CFHR2: variants seen among roughly 807,000 people sequenced by gnomAD.
The protein encoded by CFHR2 is complement factor H-related protein 2.
In CFHR2, 22 loss-of-function variants were observed where a neutral mutation model predicts 21.7. The observed-to-expected ratio is 1.01, with a 90% CI of 0.72 to 1.45. CFHR2 has a LOEUF of 1.45. Among genes scored for constraint, CFHR2 ranks in the 40% most tolerant of loss-of-function variants. CFHR2 has a pLI of 0.00. For missense variants in CFHR2, 294 were observed against 293.3 expected (o/e 1.00, Z -0.02); for synonymous variants, 98 against 97.4 (o/e 1.01, Z -0.04).
chr1:196,956,863 T>G (rs1166790534), intron 3 of CFHR2, among the ~76,000 whole-genome samples: 1 of 151,350 alleles, frequency 6.6e-6, no homozygotes, highest in Admixed American at 6.6e-5. Flanking sequence ...AGTACTCGAT[T>G]GCAAAAATCT....
At chr1:196,957,660 G>C (rs1284570238) in intron 3 of CFHR2, among the ~76,000 whole-genome samples, 1 of 152,028 alleles carries the variant, frequency 6.6e-6, no homozygotes, top group Non-Finnish European at 1.5e-5. Context: ...TCTTAATCCT[G>C]GAATACTACA....
chr1:196,949,759 T>G, intron 2 of CFHR2, 110 bp downstream of exon 2: 1 of 1,366,396 alleles, frequency 7.3e-7, no homozygotes, highest in Non-Finnish European at 1.0e-6. Flanking sequence ...CCAGAGGAGC[T>G]GGAAAGATGG....
chr1:196,946,586 A>G (rs917528360), intron 1 of CFHR2, among the ~76,000 whole-genome samples: 7 of 152,212 alleles, frequency 4.6e-5, no homozygotes, highest in Non-Finnish European at 1.0e-4. Flanking sequence ...AAAAACAGAC[A>G]CAAACACACA....
chr1:196,958,129 A>AT, intron 4 of CFHR2, 56 bp downstream of exon 4: 1 of 1,517,188 alleles, frequency 6.6e-7, no homozygotes, highest in Non-Finnish European at 9.1e-7. Context: ...TGAGTCTGAT[A>AT]TTTCACTGTT....
At chr1:196,944,945 C>T (rs959906854) in intron 1 of CFHR2, among the ~76,000 whole-genome samples, 13 of 149,176 alleles carry the variant, frequency 8.7e-5, no homozygotes, top group African/African-American at 2.2e-4. Flanking sequence ...GGTGTGATTT[C>T]GGCTCACCAC....
At position 196,959,086 on chromosome 1, in the gene CFHR2, A is replaced by T. The variant is rs1280110643; in HGVS notation, c.*6A>T. 1 of 1,572,378 alleles carries T rather than the reference A, an allele frequency of 6.4e-7. No individual in the cohort carries two copies. Among genetic ancestry groups the T allele is most frequent in the Non-Finnish European group, 8.7e-7 (1 of 1,149,808 alleles). On this transcript the variant is annotated 3_prime_UTR_variant, in exon 5 of 5. Transcript: ENST00000367415. Reference sequence around the variant, plus strand: ...CCAGTTGTGAAGAAAAATAGAATCAATGGCATTACTATTAGTAAAATGCAC... The same window carrying T: ...CCAGTTGTGAAGAAAAATAGAATCATTGGCATTACTATTAGTAAAATGCAC...
At position 196,958,863 on chromosome 1, in the gene CFHR2, A is replaced by AT. The variant is rs750600499; in HGVS notation, c.614-11dup. ...GCATACTACTTAATGTTTTATGTTC[A>AT]TTTTTTTCTACTTTCAGATCCATGT... On this transcript the variant is annotated splice_polypyrimidine_tract_variant and intron_variant, in intron 4 of 4. Transcript: ENST00000367415. 7.9e-5 allele frequency: 119 copies of AT among 1,498,800 alleles called. No individual in the cohort carries two copies. The highest frequency in any genetic ancestry group is 1.0e-4 in the Non-Finnish European group (111 of 1,082,346). The allele number at this position is 1,498,800 out of a possible 1,614,324, so 92.8% of individuals were successfully genotyped here.
At chr1:196,949,015 A>G (rs116224050) in intron 1 of CFHR2, among the ~76,000 whole-genome samples, 1,905 of 152,244 alleles carry the variant, frequency 0.013, 20 homozygotes, top group Non-Finnish European at 0.021. Context: ...CAGAAAAAAA[A>G]TAGGACAGAG....
intron 1 of CFHR2, among the ~76,000 whole-genome samples, chr1:196,949,227 A>C (rs1659631223): frequency 1.3e-5 from 2 of 152,032 alleles, no homozygotes; most frequent in Non-Finnish European, 2.9e-5. Flanking sequence ...ATTTCATATC[A>C]CTCCAAAATA....
intron 1 of CFHR2, among the ~76,000 whole-genome samples, chr1:196,947,771 T>C (rs1659564351): frequency 6.6e-6 from 1 of 152,136 alleles, no homozygotes. Flanking sequence ...TGAGGAACTA[T>C]CTTGAGCTAA....
chr1:196,946,918 T>G (rs540352522), intron 1 of CFHR2, among the ~76,000 whole-genome samples: 6 of 152,218 alleles, frequency 3.9e-5, no homozygotes, highest in Non-Finnish European at 5.9e-5. Flanking sequence ...GTGTGGCATA[T>G]TTTTATGTGA....
Position 196,949,975 on chromosome 1 carries a change from A to AT in CFHR2, c.253+330dup, listed in dbSNP as rs571815927. 6.6e-3 allele frequency among the ~76,000 whole-genome samples: 1,010 copies of AT among 152,308 alleles called. 13 individuals are homozygous for AT. The highest frequency in any genetic ancestry group is 0.023 in the African/African-American group (969 of 41,570). On this transcript the variant is annotated intron_variant, in intron 2 of 4. Transcript: ENST00000367415. ...GATCATAGTTTTCCTTTTAAATGTC[A>AT]TTTTATACATATTCTGTTTTGAATT...
In CFHR2 at chr1:196,948,701, G is replaced by GT. The variant is rs572125642; in HGVS notation, c.59-747dup. 2.0e-3 allele frequency among the ~76,000 whole-genome samples: 301 copies of GT among 151,768 alleles called. 3 individuals are homozygous for GT. The highest frequency in any genetic ancestry group is 2.5e-3 in the African/African-American group (102 of 41,418). On this transcript the variant is annotated intron_variant, in intron 1 of 4. Transcript: ENST00000367415. ...TTTATTGTTTTATTGTCTTTTTATT[G>GT]TTTTTTTCCGAATATTTTTGATCTG...
Position 196,951,142 on chromosome 1 carries a change from C to A in CFHR2, c.430+114C>A, listed in dbSNP as rs933639285. The A allele has an allele frequency of 2.7e-5, 33 of 1,239,786 alleles. No homozygotes were observed. In the African/African-American group the frequency reaches 3.8e-4, roughly 14 times the overall value. The allele number at this position is 1,239,786 out of a possible 1,614,324, so 76.8% of individuals were successfully genotyped here. A position where few individuals can be genotyped will look rare whatever the true frequency, so the allele number is the denominator to read the frequency against. ...TATAGGTTTTGCCACATACTTCTAT[C>A]ATTATTCATTTGATTCTCAGTTCCA... On this transcript the variant is annotated intron_variant, in intron 3 of 4. Coordinates refer to ENST00000367415, the MANE Select transcript of CFHR2 (RefSeq NM_005666.4).
Position 196,946,197 on chromosome 1 carries a change from C to T in CFHR2, c.58+2259C>T, listed in dbSNP as rs550039244. ...GTGAATGTGATGGCTTAGAACATCA[C>T]CATACACGACTAGAGGTGGTATAAA... On this transcript the variant is annotated intron_variant, in intron 1 of 4. Coordinates refer to ENST00000367415, the MANE Select transcript of CFHR2 (RefSeq NM_005666.4). Among the ~76,000 whole-genome samples, 4 of 152,304 alleles carry T rather than the reference C, an allele frequency of 2.6e-5. No individual in the cohort carries two copies. In the East Asian group the frequency reaches 7.7e-4, roughly 29 times the overall value.
intron 1 of CFHR2, among the ~76,000 whole-genome samples, chr1:196,946,545 C>T (rs1439819872): frequency 1.3e-5 from 2 of 151,952 alleles, no homozygotes; most frequent in African/African-American, 4.8e-5. Flanking sequence ...AAATATTTTA[C>T]TTATTTATTT....
intron 2 of CFHR2, 125 bp downstream of exon 2, chr1:196,949,774 TG>T (rs1406955519): frequency 1.6e-5 from 20 of 1,217,414 alleles, no homozygotes; most frequent in African/African-American, 3.0e-5. Context: ...AGATGGGAGA[TG>T]TAGTCCTTCT....
intron 3 of CFHR2, among the ~76,000 whole-genome samples, chr1:196,953,586 TC>T (rs1652737841): frequency 6.6e-6 from 1 of 152,204 alleles, no homozygotes; most frequent in African/African-American, 2.4e-5. Context: ...CCCAGACAGA[TC>T]AATTGTTTTC....
At chr1:196,946,918 T>C (rs540352522) in intron 1 of CFHR2, among the ~76,000 whole-genome samples, 3 of 152,336 alleles carry the variant, frequency 2.0e-5, no homozygotes, top group African/African-American at 7.2e-5. Flanking sequence ...GTGTGGCATA[T>C]TTTTATGTGA....
Sources: gnomAD v4.1 joint callset for allele counts (sites outside exome capture counted in the v4.1 genomes callset) on GRCh38, gnomAD v4.1.1 for gene constraint, MANE v1.5 for transcripts, NCBI Gene and HGNC (gene_info 2026-07-23, HGNC 2026-07-21) for gene names.